The following HPSE2 variants were observed in gnomAD, a reference collection of about 807,000 sequenced individuals.
The protein encoded by HPSE2 is inactive heparanase-2.
HPSE2 carries 38 observed loss-of-function variants against 60.5 expected under a neutral mutation model. That is an observed-to-expected ratio of 0.63 (90% CI 0.48 to 0.82). HPSE2 has a LOEUF of 0.82. Among genes scored for constraint, HPSE2 ranks in the 40% least tolerant of loss-of-function variants. The probability of loss-of-function intolerance (pLI) is 0.00; values close to 1 mark genes in which losing one functional copy is unlikely to be tolerated. For missense variants in HPSE2, 713 were observed against 740.4 expected (o/e 0.96, Z 0.43); for synonymous variants, 295 against 293.2 (o/e 1.01, Z -0.06).
chr10:99,203,484 C>G (rs1377529562), intron 2 of HPSE2, among the ~76,000 whole-genome samples: 3 of 152,116 alleles, frequency 2.0e-5, no homozygotes, highest in African/African-American at 7.2e-5. Context: ...GCTATGGACA[C>G]AGGCTCCAGG....
At chr10:99,018,021 A>G (rs974209191) in intron 3 of HPSE2, among the ~76,000 whole-genome samples, 3 of 152,212 alleles carry the variant, frequency 2.0e-5, no homozygotes, top group Non-Finnish European at 4.4e-5. Context: ...GTACCTACTT[A>G]AGAGCTTCCC....
At chr10:98,948,215 CTG>C (rs1955247213) in intron 3 of HPSE2, among the ~76,000 whole-genome samples, 5 of 152,144 alleles carry the variant, frequency 3.3e-5, no homozygotes. Context: ...CTGGAGAAGA[CTG>C]TGCCCAGATT....
At chr10:98,723,878 GCGGT>G (rs1948995258) in intron 4 of HPSE2, among the ~76,000 whole-genome samples, 1 of 152,006 alleles carries the variant, frequency 6.6e-6, no homozygotes, top group African/African-American at 2.4e-5. Context: ...AGTCTTGCTA[GCGGT>G]CTATCAATTT....
intron 6 of HPSE2, 25 bp from the exon 7 acceptor site, chr10:98,641,965 C>A (rs776229348): frequency 1.3e-6 from 2 of 1,574,254 alleles, no homozygotes; most frequent in Non-Finnish European, 1.7e-6. Context: ...AAATAAGAAT[C>A]AGATAAAATC....
chr10:99,182,142 C>G (rs1054194030), intron 2 of HPSE2, among the ~76,000 whole-genome samples: 4 of 152,136 alleles, frequency 2.6e-5, no homozygotes, highest in Non-Finnish European at 5.9e-5. Context: ...TATGGTAGCC[C>G]TAGCAAATTA....
At chr10:98,925,072 C>T (rs1356528133) in intron 3 of HPSE2, among the ~76,000 whole-genome samples, 2 of 152,232 alleles carry the variant, frequency 1.3e-5, no homozygotes, top group Admixed American at 1.3e-4. Context: ...TCTCTCTCTG[C>T]ACTGCATGGC....
intron 3 of HPSE2, among the ~76,000 whole-genome samples, chr10:99,082,767 G>T (rs545675009): frequency 2.0e-5 from 3 of 152,040 alleles, no homozygotes; most frequent in Non-Finnish European, 4.4e-5. Context: ...CTTTAATTTT[G>T]CTATTATTTC....
chr10:99,185,992 G>C (rs1479347924), intron 2 of HPSE2, among the ~76,000 whole-genome samples: 4 of 151,890 alleles, frequency 2.6e-5, no homozygotes, highest in African/African-American at 9.7e-5. Flanking sequence ...AAGGCAAAGA[G>C]AGAAAGAACA....
At chr10:99,151,954 A>G (rs933170001) in intron 2 of HPSE2, among the ~76,000 whole-genome samples, 4 of 152,032 alleles carry the variant, frequency 2.6e-5, no homozygotes, top group Admixed American at 2.6e-4. Context: ...CTGACAACCA[A>G]TAATTCTATG....
intron 3 of HPSE2, among the ~76,000 whole-genome samples, chr10:99,039,579 T>G (rs1226006610): frequency 6.6e-6 from 1 of 151,408 alleles, no homozygotes; most frequent in Non-Finnish European, 1.5e-5. Flanking sequence ...CATTTTATCT[T>G]TGAAGCAGCT....
At chr10:98,829,160 G>A (rs1951622600) in intron 3 of HPSE2, among the ~76,000 whole-genome samples, 1 of 152,076 alleles carries the variant, frequency 6.6e-6, no homozygotes, top group African/African-American at 2.4e-5. Flanking sequence ...TAGAAGAATG[G>A]TGGTTGCCAG....
At position 99,159,150 on chromosome 10, in the gene HPSE2, GA is replaced by G. The variant is rs1035273849; in HGVS notation, c.449-14752del. Among the ~76,000 whole-genome samples the G allele has an allele frequency of 5.9e-5, 9 of 151,308 alleles. No individual in the cohort carries two copies. In the South Asian group the frequency reaches 6.3e-4, roughly 11 times the overall value. On this transcript the variant is annotated intron_variant, in intron 2 of 11. Coordinates refer to ENST00000370552, the MANE Select transcript of HPSE2 (RefSeq NM_021828.5). Reference sequence around the variant, plus strand: ...TTAAACACGAAGCAAGCAAAAAAAAGAAAAAAAGGATCAGAATGGAAATCAA... The same window carrying G: ...TTAAACACGAAGCAAGCAAAAAAAAGAAAAAAGGATCAGAATGGAAATCAA...
intron 3 of HPSE2, among the ~76,000 whole-genome samples, chr10:98,871,056 T>C (rs116665062): frequency 0.015 from 2,312 of 152,064 alleles, 62 homozygotes; most frequent in African/African-American, 0.053. Context: ...CCTGAAGCCC[T>C]CACCAGAAGC....
chr10:99,192,052 G>C, intron 2 of HPSE2, among the ~76,000 whole-genome samples: 1 of 152,216 alleles, frequency 6.6e-6, no homozygotes, highest in East Asian at 1.9e-4. Context: ...AACATACATA[G>C]AGGAGACAAA....
intron 6 of HPSE2, among the ~76,000 whole-genome samples, chr10:98,681,694 C>A (rs504035): frequency 0.35 from 53,456 of 151,678 alleles, 9,585 homozygotes; most frequent in Admixed American, 0.41. Flanking sequence ...ATTCTTAAAC[C>A]AACCAAAATG....
intron 3 of HPSE2, among the ~76,000 whole-genome samples, chr10:98,746,287 TATA>T (rs1423543697): frequency 1.5e-5 from 2 of 132,678 alleles, no homozygotes; most frequent in Non-Finnish European, 3.4e-5. Flanking sequence ...GAAACCAGTA[TATA>T]ATAATTTTAT....
intron 9 of HPSE2, among the ~76,000 whole-genome samples, chr10:98,560,351 G>C (rs1231270943): frequency 6.6e-6 from 1 of 152,186 alleles, no homozygotes; most frequent in Non-Finnish European, 1.5e-5. Flanking sequence ...TGGATGAGCT[G>C]GCTTCTCTCA....
rs1432922404 is a variant in HPSE2, at chr10:98,720,207, G to T, written c.956+1450C>A. 3.3e-5 allele frequency among the ~76,000 whole-genome samples: 5 copies of T among 152,234 alleles called. No homozygotes were observed. In the East Asian group the frequency reaches 7.7e-4, roughly 24 times the overall value. ...TACAGTACTTAATAACGAATTGAGT[G>T]TGTGAACAAAGGAAAAGACTGATCT... On this transcript the variant is annotated intron_variant, in intron 5 of 11. Coordinates refer to ENST00000370552, the MANE Select transcript of HPSE2 (RefSeq NM_021828.5).
rs747455010 is a variant in HPSE2 at position 98,848,727 on chromosome 10, T to C, written c.611-104671A>G. 1.3e-3 allele frequency among the ~76,000 whole-genome samples: 197 copies of C among 152,216 alleles called. 1 individual carries two copies. The highest frequency in any genetic ancestry group is 2.2e-3 in the Non-Finnish European group (153 of 68,032). On this transcript the variant is annotated intron_variant, in intron 3 of 11. Transcript: ENST00000370552. ...CAGGAAAGTAAGGCTAACTTTCATT[T>C]AGCTGCAATGCATTCCTTTAGCTTC... is the stretch of plus-strand genomic sequence containing the variant.
Sources: gnomAD v4.1 joint callset for allele counts (sites outside exome capture counted in the v4.1 genomes callset) on GRCh38, gnomAD v4.1.1 for gene constraint, MANE v1.5 for transcripts, NCBI Gene and HGNC (gene_info 2026-07-23, HGNC 2026-07-21) for gene names.